Variants in TMCC1 observed in about 807,000 individuals in gnomAD.
TMCC1 encodes transmembrane and coiled-coil domain family 1.
Under a neutral mutation model 52.4 loss-of-function variants are expected in TMCC1, and 15 were observed. The observed-to-expected ratio is 0.29, with a 90% CI of 0.19 to 0.44. TMCC1 has a LOEUF of 0.44. Among genes scored for constraint, TMCC1 ranks in the 20% least tolerant of loss-of-function variants. TMCC1 has a pLI of 1.00. For missense variants in TMCC1, 503 were observed against 806.0 expected (o/e 0.62, Z 4.55); for synonymous variants, 279 against 301.9 (o/e 0.92, Z 0.79).
chr3:129,692,932 T>C (rs2047129990), intron 4 of TMCC1, among the ~76,000 whole-genome samples: 1 of 152,106 alleles, frequency 6.6e-6, no homozygotes, highest in African/African-American at 2.4e-5. Flanking sequence ...AATGTCCATC[T>C]CCCGGGCTCA....
chr3:129,854,382 T>A (rs1021131038), intron 2 of TMCC1, among the ~76,000 whole-genome samples: 1 of 103,128 alleles, frequency 9.7e-6, no homozygotes, highest in Non-Finnish European at 1.9e-5. Context: ...AGTGAGACTC[T>A]GTGTCAAAAA....
chr3:129,703,000 A>G (rs1042015431), intron 4 of TMCC1, among the ~76,000 whole-genome samples: 16 of 152,244 alleles, frequency 1.1e-4, no homozygotes, highest in Admixed American at 6.5e-4. Flanking sequence ...TGAGCAACAG[A>G]GCGAGACTTT....
intron 4 of TMCC1, among the ~76,000 whole-genome samples, chr3:129,769,717 A>G (rs2054401365): frequency 6.6e-6 from 1 of 152,158 alleles, no homozygotes; most frequent in East Asian, 1.9e-4. Context: ...TTCTTACACT[A>G]ACATCTGGAA....
chr3:129,771,932 A>G (rs1482510120), intron 4 of TMCC1, among the ~76,000 whole-genome samples: 1 of 152,182 alleles, frequency 6.6e-6, no homozygotes, highest in Non-Finnish European at 1.5e-5. Context: ...TTTGAATTAC[A>G]TTAGTGGCAA....
intron 4 of TMCC1, among the ~76,000 whole-genome samples, chr3:129,814,783 C>T (rs2058014907): frequency 2.6e-5 from 4 of 152,008 alleles, no homozygotes; most frequent in East Asian, 3.9e-4. Flanking sequence ...GATTACAAAT[C>T]GAAGACTATA....
intron 2 of TMCC1, among the ~76,000 whole-genome samples, chr3:129,844,020 A>T (rs893533573): frequency 1.3e-5 from 2 of 152,164 alleles, no homozygotes; most frequent in Admixed American, 1.3e-4. Flanking sequence ...ATATAAAAAG[A>T]CAATGCATCT....
intron 4 of TMCC1, among the ~76,000 whole-genome samples, chr3:129,809,613 AAG>A (rs2057686401): frequency 6.6e-6 from 1 of 151,932 alleles, no homozygotes; most frequent in African/African-American, 2.4e-5. Flanking sequence ...AGTAAATGAT[AAG>A]AGATACAAAC....
At chr3:129,666,469 T>A (rs2087463912) in intron 5 of TMCC1, among the ~76,000 whole-genome samples, 1 of 152,202 alleles carries the variant, frequency 6.6e-6, no homozygotes, top group African/African-American at 2.4e-5. Context: ...CCGGGCATGG[T>A]GGCTCATGTC....
intron 4 of TMCC1, among the ~76,000 whole-genome samples, chr3:129,755,321 G>A (rs893618983): frequency 6.6e-6 from 1 of 151,998 alleles, no homozygotes; most frequent in Non-Finnish European, 1.5e-5. Context: ...GTAATAAATT[G>A]TACATGTACC....
At chr3:129,678,430 G>A (rs757839990) in intron 4 of TMCC1, among the ~76,000 whole-genome samples, 3 of 132,880 alleles carry the variant, frequency 2.3e-5, no homozygotes, top group Admixed American at 1.8e-4. Flanking sequence ...GCATAATCTC[G>A]GCTCACTGCA....
chr3:129,749,679 T>C (rs1157852772), intron 4 of TMCC1, among the ~76,000 whole-genome samples: 2 of 152,184 alleles, frequency 1.3e-5, no homozygotes, highest in African/African-American at 4.8e-5. Flanking sequence ...ATCTAGATTC[T>C]AGATAAAACA....
At chr3:129,796,932 A>G (rs1156449975) in intron 4 of TMCC1, among the ~76,000 whole-genome samples, 1 of 152,232 alleles carries the variant, frequency 6.6e-6, no homozygotes, top group Non-Finnish European at 1.5e-5. Flanking sequence ...TGAATTTGAA[A>G]AGACAGGTTT....
chr3:129,828,626 T>G lies in TMCC1; in HGVS notation c.-130-118A>C. ...TGCTACTGGCCAAACAAATAGGCAC[T>G]ATCATTAAGCAATCTTTAATCAGAA... is the stretch of plus-strand genomic sequence containing the variant. On this transcript the variant is annotated intron_variant, in intron 3 of 6. Coordinates refer to ENST00000393238, the MANE Select transcript of TMCC1 (RefSeq NM_001017395.5). The surrounding 1 kb of genome is among the most constrained non-coding windows in gnomAD (Gnocchi z 4.1). 2.5e-6 allele frequency: 1 copy of G among 397,550 alleles called. No homozygotes were observed. The highest frequency in any genetic ancestry group is 2.1e-5 in the African/African-American group (1 of 47,880). 24.6% of individuals were successfully genotyped at this position (397,550 alleles called of 1,614,324 possible).
At chr3:129,835,546 C>T (rs1416369790) in intron 2 of TMCC1, among the ~76,000 whole-genome samples, 4 of 152,104 alleles carry the variant, frequency 2.6e-5, no homozygotes, top group African/African-American at 9.7e-5. Context: ...AACAAAAATA[C>T]ATAATCAAGA....
chr3:129,830,030 C>A (rs1051039118), intron 3 of TMCC1, among the ~76,000 whole-genome samples: 1 of 152,182 alleles, frequency 6.6e-6, no homozygotes. Context: ...CTAGTACCTT[C>A]CTACTTTCTA....
At chr3:129,805,597 G>A (rs1467608249) in intron 4 of TMCC1, among the ~76,000 whole-genome samples, 1 of 152,146 alleles carries the variant, frequency 6.6e-6, no homozygotes, top group East Asian at 1.9e-4. Flanking sequence ...AAGTAGAGAA[G>A]ACAAAGACTA....
intron 5 of TMCC1, among the ~76,000 whole-genome samples, chr3:129,661,012 T>C (rs1414322940): frequency 6.6e-6 from 1 of 152,212 alleles, no homozygotes; most frequent in Non-Finnish European, 1.5e-5. Flanking sequence ...ATCCTCACCA[T>C]GCTCTTACAG....
chr3:129,803,429 T>A (rs1034621654), intron 4 of TMCC1, among the ~76,000 whole-genome samples: 1 of 152,206 alleles, frequency 6.6e-6, no homozygotes, highest in African/African-American at 2.4e-5. Flanking sequence ...TGGAAATCTG[T>A]TTCACAATAA....
chr3:129,755,302 T>C (rs1237852270), intron 4 of TMCC1, among the ~76,000 whole-genome samples: 1 of 152,074 alleles, frequency 6.6e-6, no homozygotes, highest in Non-Finnish European at 1.5e-5. Flanking sequence ...CATCATGCAA[T>C]ATACCCAAGT....
Sources: gnomAD v4.1 joint callset for allele counts (sites outside exome capture counted in the v4.1 genomes callset) on GRCh38, gnomAD v4.1.1 for gene constraint, Gnocchi (gnomAD v3.1) non-coding constraint, MANE v1.5 for transcripts, NCBI Gene and HGNC (gene_info 2026-07-23, HGNC 2026-07-21) for gene names.